USP25: variants seen among roughly 807,000 people sequenced by gnomAD.
The protein encoded by USP25 is ubiquitin specific peptidase 25.
In USP25, 85 loss-of-function variants were observed where a neutral mutation model predicts 158.5. The ratio of observed to expected loss-of-function variants is 0.54; its 90% CI spans 0.45 to 0.64. The LOEUF (loss-of-function observed/expected upper bound fraction) is 0.64, where lower values mean the gene tolerates loss of function less well. USP25 is among the 30% of genes least tolerant of loss of function. USP25 has a pLI of 0.00. For missense variants in USP25, 1,242 were observed against 1,327.3 expected (o/e 0.94, Z 1.00); for synonymous variants, 464 against 460.4 (o/e 1.01, Z -0.10).
chr21:15,778,431 G>A (rs2034781146), intron 4 of USP25, among the ~76,000 whole-genome samples: 1 of 151,986 alleles, frequency 6.6e-6, no homozygotes, highest in African/African-American at 2.4e-5. Flanking sequence ...ATTCAGCTCT[G>A]GTGTCATAAC....
chr21:15,746,647 C>T (rs1181548896), intron 1 of USP25, among the ~76,000 whole-genome samples: 4 of 152,108 alleles, frequency 2.6e-5, no homozygotes, highest in Admixed American at 6.5e-5. Context: ...CCACCAGCCT[C>T]GGCCTCCCAA....
chr21:15,826,796 C>A lies in USP25; in HGVS notation c.1467-181C>A, dbSNP rs2037526926. Among the ~76,000 whole-genome samples, 1 of 152,116 alleles carries A rather than the reference C, an allele frequency of 6.6e-6. No homozygotes were observed. Among genetic ancestry groups the A allele is most frequent in the Non-Finnish European group, 1.5e-5 (1 of 68,026 alleles). ...TTTAACTCTAAAGCTACAACTTCAT[C>A]TTATAATAATTTAGTTCTTATGTAT... On this transcript the variant is annotated intron_variant, in intron 13 of 25. Coordinates refer to ENST00000400183, the MANE Select transcript of USP25 (RefSeq NM_001283041.3). This position sits in a 1 kb window ranked among gnomAD's most constrained non-coding sequence, Gnocchi z 4.8.
intron 1 of USP25, among the ~76,000 whole-genome samples, chr21:15,758,330 G>T (rs911611715): frequency 6.6e-6 from 1 of 152,298 alleles, no homozygotes; most frequent in Admixed American, 6.5e-5. Context: ...ATCTTGAATT[G>T]TAGTTCCCAT....
At chr21:15,761,377 T>C (rs1192149204) in intron 1 of USP25, among the ~76,000 whole-genome samples, 1 of 152,106 alleles carries the variant, frequency 6.6e-6, no homozygotes, top group Non-Finnish European at 1.5e-5. Context: ...ATTAACCATC[T>C]CTCTGAAATA....
chr21:15,874,512 A>G lies in USP25; in HGVS notation c.2995A>G (p.Arg999Gly). 1 of 1,598,046 alleles carries G rather than the reference A, an allele frequency of 6.3e-7. No homozygotes were observed. Among genetic ancestry groups the G allele is most frequent in the Non-Finnish European group, 8.5e-7 (1 of 1,175,484 alleles). ...TGAAGAATTGATATCACATTATAGA[A>G]GAGAATGTTTGCTAGTAAGTTGAAT... ...HDEELISHYR[R>G]ECLLKLNEQA... Residue 999 changes from arginine (R) to glycine (G), a missense_variant, in exon 24 of 26, where the codon AGA becomes GGA. Physicochemically the swap from Arg to Gly is moderately radical, Grantham distance 125 (BLOSUM62 -2). Transcript: ENST00000400183.
intron 6 of USP25, among the ~76,000 whole-genome samples, chr21:15,802,535 C>G (rs910548113): frequency 2.0e-5 from 3 of 151,372 alleles, no homozygotes; most frequent in Admixed American, 1.3e-4. Context: ...AGTAATTCAC[C>G]TCTAAATATC....
intron 9 of USP25, among the ~76,000 whole-genome samples, chr21:15,812,148 TAA>T (rs1487592806): frequency 2.0e-5 from 3 of 150,710 alleles, no homozygotes; most frequent in Admixed American, 6.6e-5. Context: ...TTAATATATA[TAA>T]GTTTATATAT....
rs1468478836 is a variant in USP25 at position 15,843,615 on chromosome 21, C to G, written c.2337+1075C>G. Among the ~76,000 whole-genome samples, 1 of 151,968 alleles carries G rather than the reference C, an allele frequency of 6.6e-6. No individual in the cohort carries two copies. Among genetic ancestry groups the G allele is most frequent in the Non-Finnish European group, 1.5e-5 (1 of 67,970 alleles). ...TTGATGATTCCAAATTTTGCAAATG[C>G]CTTAGAAGCTTTAAATGAATTTGAT... is the stretch of plus-strand genomic sequence containing the variant. On this transcript the variant is annotated intron_variant, in intron 18 of 25. Transcript: ENST00000400183. The surrounding 1 kb of genome is among the most constrained non-coding windows in gnomAD (Gnocchi z 4.0).
chr21:15,788,087 G>C (rs2035393777), intron 4 of USP25, among the ~76,000 whole-genome samples: 1 of 151,898 alleles, frequency 6.6e-6, no homozygotes, highest in Non-Finnish European at 1.5e-5. Flanking sequence ...AAAGCAAGGT[G>C]ATAGGTCAGA....
At chr21:15,802,157 A>C (rs1050484449) in intron 6 of USP25, among the ~76,000 whole-genome samples, 1 of 151,578 alleles carries the variant, frequency 6.6e-6, no homozygotes, top group Admixed American at 6.6e-5. Flanking sequence ...TAAATAGCTA[A>C]AGCCTTATTA....
chr21:15,830,845 C>T (rs530122585), intron 15 of USP25, among the ~76,000 whole-genome samples: 71 of 152,210 alleles, frequency 4.7e-4, no homozygotes, highest in African/African-American at 1.6e-3. Flanking sequence ...TGTATTTTCA[C>T]ACCGTATGTG....
At chr21:15,868,378 T>C (rs1038186875) in intron 22 of USP25, among the ~76,000 whole-genome samples, 1 of 152,192 alleles carries the variant, frequency 6.6e-6, no homozygotes, top group South Asian at 2.1e-4. Flanking sequence ...TCCACATTGA[T>C]TGAGAGCTCT....
chr21:15,849,886 T>C lies in USP25; in HGVS notation c.2547+14T>C. The C allele has an allele frequency of 2.1e-6, 3 of 1,452,772 alleles. No homozygotes were observed. The highest frequency in any genetic ancestry group is 2.7e-6 in the Non-Finnish European group (3 of 1,092,850). The allele number at this position is 1,452,772 out of a possible 1,614,324, so 90.0% of individuals were successfully genotyped here. Reference sequence around the variant, plus strand: ...GGGTTCTTTAAGGTACAATGAACATTTTCATTTTCGTGTCTTTTCTTTTTC... The same window carrying C: ...GGGTTCTTTAAGGTACAATGAACATCTTCATTTTCGTGTCTTTTCTTTTTC... On this transcript the variant is annotated intron_variant, in intron 20 of 25. Coordinates refer to ENST00000400183, the MANE Select transcript of USP25 (RefSeq NM_001283041.3).
chr21:15,805,862 G>A (rs765316982), intron 7 of USP25, among the ~76,000 whole-genome samples: 27 of 152,132 alleles, frequency 1.8e-4, no homozygotes, highest in East Asian at 5.8e-4. Context: ...AAAAGATAGC[G>A]GCAATGTGTA....
chr21:15,787,374 A>G (rs2035337695), intron 4 of USP25, among the ~76,000 whole-genome samples: 3 of 152,140 alleles, frequency 2.0e-5, no homozygotes, highest in African/African-American at 7.2e-5. Context: ...TATAGTAACC[A>G]AAACAATGAT....
At chr21:15,820,323 T>C (rs1436620333) in intron 10 of USP25, among the ~76,000 whole-genome samples, 1 of 151,920 alleles carries the variant, frequency 6.6e-6, no homozygotes, top group Non-Finnish European at 1.5e-5. Flanking sequence ...TAAAAATTTT[T>C]ATTGTACACA....
At chr21:15,846,118 G>A (rs1470018501) in intron 18 of USP25, among the ~76,000 whole-genome samples, 1 of 79,974 alleles carries the variant, frequency 1.3e-5, no homozygotes, top group Non-Finnish European at 2.2e-5. Flanking sequence ...GTGTGTGTGT[G>A]TGTGTATATA....
intron 1 of USP25, among the ~76,000 whole-genome samples, chr21:15,753,595 A>G (rs1269394700): frequency 6.6e-6 from 1 of 152,174 alleles, no homozygotes; most frequent in Non-Finnish European, 1.5e-5. Context: ...TTGCTTAGTA[A>G]GTGGGCCTGA....
At position 15,766,336 on chromosome 21, in the gene USP25, A is replaced by T. The variant is rs576016755; in HGVS notation, c.268+195A>T. Among the ~76,000 whole-genome samples, 15 of 152,158 alleles carry T rather than the reference A, an allele frequency of 9.9e-5. No homozygotes were observed. In the East Asian group the frequency reaches 2.7e-3, roughly 27 times the overall value. Reference sequence around the variant, plus strand: ...ATAAGGAAAAGATTTTATGTAAGTTATATAGTTTTTCATAGAGCATTTCAT... The same window carrying T: ...ATAAGGAAAAGATTTTATGTAAGTTTTATAGTTTTTCATAGAGCATTTCAT... On this transcript the variant is annotated intron_variant, in intron 3 of 25. Coordinates refer to ENST00000400183, the MANE Select transcript of USP25 (RefSeq NM_001283041.3). The surrounding 1 kb of genome is among the most constrained non-coding windows in gnomAD (Gnocchi z 4.0).
Sources: gnomAD v4.1 joint callset for allele counts (sites outside exome capture counted in the v4.1 genomes callset) on GRCh38, gnomAD v4.1.1 for gene constraint, Gnocchi (gnomAD v3.1) non-coding constraint, MANE v1.5 for transcripts, NCBI Gene and HGNC (gene_info 2026-07-23, HGNC 2026-07-21) for gene names.